DNER: variants seen among roughly 807,000 people sequenced by gnomAD.
DNER encodes delta and Notch-like epidermal growth factor-related receptor.
In DNER, 33 loss-of-function variants were observed where a neutral mutation model predicts 78.2. The observed-to-expected ratio is 0.42, with a 90% confidence interval of 0.32 to 0.56. DNER has a LOEUF of 0.56. Ranked by LOEUF, DNER falls within the 20% of genes least tolerant of loss-of-function variation. The pLI, the probability that DNER is intolerant of heterozygous loss-of-function variation, is 0.11. For missense variants in DNER, 918 were observed against 975.3 expected, an observed-to-expected ratio of 0.94 and a Z score of 0.78; for synonymous variants, 417 against 384.8, an observed-to-expected ratio of 1.08 and a Z score of -0.98.
chr2:229,668,503 T>A, intron 1 of DNER, among the ~76,000 whole-genome samples: 1 of 137,748 alleles, frequency 7.3e-6, no homozygotes, highest in Non-Finnish European at 1.5e-5. Flanking sequence ...TACTTACCTA[T>A]ATATAGGTAA....
chr2:229,541,093 C>A (rs1300536357), intron 5 of DNER, among the ~76,000 whole-genome samples: 2 of 152,192 alleles, frequency 1.3e-5, no homozygotes, highest in African/African-American at 4.8e-5. Context: ...AGATGTTGTG[C>A]CTATCCTTTA....
intron 6 of DNER, among the ~76,000 whole-genome samples, chr2:229,509,377 T>C (rs1326993779): frequency 6.6e-6 from 1 of 152,264 alleles, no homozygotes; most frequent in Non-Finnish European, 1.5e-5. Context: ...GCTTAAAACA[T>C]CTGTCTACAT....
At chr2:229,430,301 G>C (rs1693976879) in intron 8 of DNER, among the ~76,000 whole-genome samples, 1 of 152,118 alleles carries the variant, frequency 6.6e-6, no homozygotes, top group Non-Finnish European at 1.5e-5. Flanking sequence ...GGTTAATACT[G>C]ATTAACTGAT....
At chr2:229,442,325 C>T (rs1360463175) in intron 8 of DNER, among the ~76,000 whole-genome samples, 1 of 152,082 alleles carries the variant, frequency 6.6e-6, no homozygotes, top group Admixed American at 6.5e-5. Context: ...ACCATCCTGG[C>T]TAACACAGTG....
chr2:229,670,990 G>A (rs1469492234), intron 1 of DNER, among the ~76,000 whole-genome samples: 1 of 152,104 alleles, frequency 6.6e-6, no homozygotes, highest in Non-Finnish European at 1.5e-5. Context: ...ACTGCAGGGA[G>A]GGGGAATTTT....
intron 7 of DNER, among the ~76,000 whole-genome samples, chr2:229,447,929 T>A (rs559307088): frequency 3.9e-5 from 6 of 152,304 alleles, no homozygotes; most frequent in African/African-American, 1.4e-4. Flanking sequence ...CCCTCTTATT[T>A]TGTATATATT....
At chr2:229,379,141 A>T (rs559139715) in intron 11 of DNER, among the ~76,000 whole-genome samples, 3 of 152,362 alleles carry the variant, frequency 2.0e-5, no homozygotes, top group Non-Finnish European at 2.9e-5. Context: ...AGCCACTCAG[A>T]ATAGCCACTG....
chr2:229,513,026 TC>T, intron 5 of DNER, 90 bp from the exon 6 acceptor site: 1 of 1,382,652 alleles, frequency 7.2e-7, no homozygotes, highest in Non-Finnish European at 9.7e-7. Flanking sequence ...AAGAACCACT[TC>T]CTTTTTATAA....
At chr2:229,403,671 G>A (rs906421818) in intron 10 of DNER, among the ~76,000 whole-genome samples, 1 of 152,080 alleles carries the variant, frequency 6.6e-6, no homozygotes, top group Non-Finnish European at 1.5e-5. Context: ...GTCCCACTGC[G>A]CCCTGAGATC....
intron 1 of DNER, among the ~76,000 whole-genome samples, chr2:229,653,847 A>C (rs956460106): frequency 1.2e-4 from 18 of 152,226 alleles, no homozygotes; most frequent in African/African-American, 4.1e-4. Flanking sequence ...CATAGGGGAA[A>C]ATATGGGGCT....
intron 1 of DNER, among the ~76,000 whole-genome samples, chr2:229,681,823 C>T (rs6436886): frequency 0.19 from 24,678 of 130,584 alleles, 2,342 homozygotes; most frequent in African/African-American, 0.27. Flanking sequence ...ATACCTCTGC[C>T]TAAAACACAC....
intron 6 of DNER, among the ~76,000 whole-genome samples, chr2:229,499,948 T>A (rs1695583040): frequency 1.4e-5 from 2 of 138,348 alleles, no homozygotes; most frequent in Admixed American, 1.4e-4. Flanking sequence ...TTTTTTTTTC[T>A]CTTCAAGACA....
intron 1 of DNER, among the ~76,000 whole-genome samples, chr2:229,646,452 T>C (rs1698720845): frequency 6.6e-6 from 1 of 152,230 alleles, no homozygotes; most frequent in Non-Finnish European, 1.5e-5. Context: ...AATTTGCATT[T>C]GTATTTTGCT....
intron 1 of DNER, among the ~76,000 whole-genome samples, chr2:229,681,867 A>ACACAC (rs1699394150): frequency 1.0e-5 from 1 of 95,302 alleles, no homozygotes; most frequent in East Asian, 3.3e-4. Flanking sequence ...CACACACACA[A>ACACAC]ATGTATCGTA....
intron 1 of DNER, among the ~76,000 whole-genome samples, chr2:229,673,704 C>T (rs184413862): frequency 5.3e-5 from 8 of 152,222 alleles, no homozygotes; most frequent in Admixed American, 1.3e-4. Flanking sequence ...CAAAGAAAAC[C>T]GAGGCACCAA....
chr2:229,396,844 A>C lies in DNER; in HGVS notation c.1724-8448T>G, dbSNP rs561838029. 7.9e-5 allele frequency among the ~76,000 whole-genome samples: 12 copies of C among 152,300 alleles called. No homozygotes were observed. In the East Asian group the frequency reaches 1.4e-3, roughly 17 times the overall value. On this transcript the variant is annotated intron_variant, in intron 10 of 12. Coordinates refer to ENST00000341772, the MANE Select transcript of DNER (RefSeq NM_139072.4). ...AAGGGGAAAATTATGCCAGGGCAAC[A>C]AAAAGTACCTCTGAGACTCTGGTTA...
At position 229,520,745 on chromosome 2, in the gene DNER, C is replaced by T. The variant is rs887366048; in HGVS notation, c.994-7809G>A. ...ATGGAATCTGCCATTGCATCTGCTGCAGGACTGCTGTGGAGAACACTGTGA... is the reference window on the plus strand; with the variant it reads ...ATGGAATCTGCCATTGCATCTGCTGTAGGACTGCTGTGGAGAACACTGTGA... On this transcript the variant is annotated intron_variant, in intron 5 of 12. Transcript: ENST00000341772. 2.6e-5 allele frequency among the ~76,000 whole-genome samples: 4 copies of T among 152,306 alleles called. No homozygotes were observed. In the East Asian group the frequency reaches 5.8e-4, roughly 22 times the overall value.
At chr2:229,491,950 T>TAC (rs58442076) in intron 6 of DNER, among the ~76,000 whole-genome samples, 7,790 of 149,752 alleles carry the variant, frequency 0.052, 221 homozygotes, top group African/African-American at 0.069. Flanking sequence ...TTGCCATGAT[T>TAC]ACACACACAC....
chr2:229,434,925 TACAC>T (rs58688647), intron 8 of DNER, among the ~76,000 whole-genome samples: 2,871 of 130,486 alleles, frequency 0.022, 26 homozygotes, highest in East Asian at 0.075. Context: ...TATATATATA[TACAC>T]ACACACACAC....
Sources: allele counts gnomAD v4.1 joint callset (sites outside exome capture counted in the v4.1 genomes callset), GRCh38; gene constraint gnomAD v4.1.1; transcripts MANE v1.5; gene names NCBI Gene and HGNC (gene_info 2026-07-23, HGNC 2026-07-21).